The following PRL variants were observed in gnomAD, a reference collection of about 807,000 sequenced individuals.
The protein encoded by PRL is decidual prolactin.
Under a neutral mutation model 21.3 loss-of-function variants are expected in PRL, and 24 were observed. That is an observed-to-expected ratio of 1.13 (90% CI 0.82 to 1.59). The LOEUF (loss-of-function observed/expected upper bound fraction) is 1.59, where lower values mean the gene tolerates loss of function less well. Ranked by LOEUF, PRL falls within the 40% of genes most tolerant of loss-of-function variation. PRL has a pLI of 0.00. For missense variants in PRL, 243 were observed against 286.9 expected (o/e 0.85, Z 1.10); for synonymous variants, 118 against 115.7 (o/e 1.02, Z -0.13).
chr6:22,287,972 C>T (rs1760959107), intron 4 of PRL, among the ~76,000 whole-genome samples: 1 of 152,126 alleles, frequency 6.6e-6, no homozygotes, highest in Non-Finnish European at 1.5e-5. Flanking sequence ...CCTGATGTAT[C>T]CCTTGTGCTT....
chr6:22,296,005 A>G (rs993149133), intron 1 of PRL, among the ~76,000 whole-genome samples: 5 of 152,246 alleles, frequency 3.3e-5, no homozygotes, highest in African/African-American at 1.2e-4. Context: ...CAAAAACATG[A>G]TTCTTCCAAA....
At chr6:22,294,719 G>T in intron 1 of PRL, 135 bp from the exon 2 acceptor site, 1 of 938,640 alleles carries the variant, frequency 1.1e-6, no homozygotes, top group Non-Finnish European at 1.5e-6. Context: ...TGGCTGGGAT[G>T]GGGGAAGAAC....
chr6:22,302,039 G>T (rs931821959), upstream of PRL, among the ~76,000 whole-genome samples: 32 of 151,852 alleles, frequency 2.1e-4, no homozygotes, highest in African/African-American at 6.8e-4. Context: ...TAAAATAAAT[G>T]GAAAATAAGA....
In PRL at chr6:22,288,941, T is replaced by C. The variant is rs778705852; in HGVS notation, c.492+1233A>G. ...GTGCGTGCGCGTGTGTGTGCATGTG[T>C]GTGTGCGTGCGCGTGTGTGTGCGTG... On this transcript the variant is annotated intron_variant, in intron 4 of 4. Coordinates refer to ENST00000306482, the MANE Select transcript of PRL (RefSeq NM_000948.6). This position sits in a 1 kb window ranked among gnomAD's most constrained non-coding sequence, Gnocchi z 4.5. 1.3e-4 allele frequency among the ~76,000 whole-genome samples: 20 copies of C among 152,020 alleles called. No individual in the cohort carries two copies. The highest frequency in any genetic ancestry group is 2.8e-4 in the Non-Finnish European group (19 of 67,980).
At chr6:22,300,869 A>G (rs1761270600), upstream of PRL, among the ~76,000 whole-genome samples, 1 of 152,206 alleles carries the variant, frequency 6.6e-6, no homozygotes, top group Admixed American at 6.5e-5. Flanking sequence ...GTCTAGTTCT[A>G]TGAAGTCTCT....
intron 4 of PRL, 59 bp from the exon 5 acceptor site, chr6:22,287,652 G>A (rs1760951584): frequency 6.6e-6 from 9 of 1,368,390 alleles, no homozygotes; most frequent in Non-Finnish European, 8.8e-6. Context: ...GTATGTCCTT[G>A]TTCTTTCTAA....
At chr6:22,298,376 C>G (rs894133254), upstream of PRL, among the ~76,000 whole-genome samples, 1 of 152,144 alleles carries the variant, frequency 6.6e-6, no homozygotes, top group Non-Finnish European at 1.5e-5. Flanking sequence ...TCTAAAGCAG[C>G]CTGTGACCTT....
chr6:22,296,966 G>C lies in PRL; in HGVS notation c.17C>G (p.Ser6Trp). ...GTTGTCACACATACCTTTCCATGGCGATCCTTTGATGTTCATGTTCGTGAT... is the reference window on the plus strand; with the variant it reads ...GTTGTCACACATACCTTTCCATGGCCATCCTTTGATGTTCATGTTCGTGAT... MNIKG[S>W]PWKGSLLLLL... The change falls in exon 1 of 5, where the codon TCG becomes TGG. Residue 6 changes from serine (S) to tryptophan (W), a missense_variant. Transcript: ENST00000306482. The C allele has an allele frequency of 6.2e-7, 1 of 1,613,956 alleles. No individual in the cohort carries two copies. The highest frequency in any genetic ancestry group is 1.1e-5 in the South Asian group (1 of 91,038).
At chr6:22,297,148 A>G, upstream of PRL, 1 of 651,092 alleles carries the variant, frequency 1.5e-6, no homozygotes, top group Middle Eastern at 2.6e-4. Flanking sequence ...CATTGAGATT[A>G]CCCCCATAAT....
chr6:22,302,594 A>G (rs1006321922), intron 1 of PRL, among the ~76,000 whole-genome samples: 1 of 152,206 alleles, frequency 6.6e-6, no homozygotes, highest in African/African-American at 2.4e-5. Flanking sequence ...TTCAATATAA[A>G]TTTACATGAA....
Position 22,293,621 on chromosome 6 carries a change from AGGAG to A in PRL, c.204+784_204+787del, listed in dbSNP as rs1269921918. Among the ~76,000 whole-genome samples, 50 of 56,672 alleles carry A rather than the reference AGGAG, an allele frequency of 8.8e-4. 1 individual carries two copies. The highest frequency in any genetic ancestry group is 1.6e-3 in the African/African-American group (22 of 13,982). 37.2% of individuals were successfully genotyped at this position (56,672 alleles called of 152,430 possible). A position where few individuals can be genotyped will look rare whatever the true frequency, so the allele number is the denominator to read the frequency against. On this transcript the variant is annotated intron_variant, in intron 2 of 4. Coordinates refer to ENST00000306482, the MANE Select transcript of PRL (RefSeq NM_000948.6). ...AGGGGAGGAAGGAAGGGAGGAGGGA[AGGAG>A]GGAAGGAAGGAAGGAAGGAAGGAAG...
rs752728781 is a variant in PRL at position 22,294,530 on chromosome 6, G to A, written c.83C>T (p.Pro28Leu). The change falls in exon 2 of 5, where the codon CCC (proline) becomes CTC (leucine). Residue 28 changes from proline to leucine, a missense_variant. By Grantham distance (98) the Pro-to-Leu change is moderately conservative. Transcript: ENST00000306482. ...SNLLLCQSVAPLPICPGGAAR... is the reference protein window; with the variant it reads ...SNLLLCQSVALLPICPGGAAR... ...AGCCCCGCCGGGACAGATGGGCAAG[G>A]GGGCCACGCTCTGGCACAGGAGCAG... 4 of 1,613,878 alleles carry A rather than the reference G, an allele frequency of 2.5e-6. No homozygotes were observed. Among genetic ancestry groups the A allele is most frequent in the Non-Finnish European group, 3.4e-6 (4 of 1,179,928 alleles).
chr6:22,295,409 A>C lies in PRL; in HGVS notation c.29-825T>G, dbSNP rs553859626. ...CATCGCGTACACCTGTGGGCTGTCA[A>C]TCTGCATCTGTGTAATGGGGGCCGC... On this transcript the variant is annotated intron_variant, in intron 1 of 4. Coordinates refer to ENST00000306482, the MANE Select transcript of PRL (RefSeq NM_000948.6). Among the ~76,000 whole-genome samples, 133 of 152,262 alleles carry C rather than the reference A, an allele frequency of 8.7e-4. 1 individual carries two copies. The highest frequency in any genetic ancestry group is 3.0e-3 in the African/African-American group (124 of 41,552).
Position 22,294,550 on chromosome 6 carries a change from G to A in PRL, c.63C>T (p.Leu21=), listed in dbSNP as rs2113511829. 2 of 1,611,928 alleles carry A rather than the reference G, an allele frequency of 1.2e-6. No individual in the cohort carries two copies. The highest frequency in any genetic ancestry group is 1.7e-6 in the Non-Finnish European group (2 of 1,179,044). Residue 21 remains leucine, a synonymous_variant, in exon 2 of 5, where the codon CTC becomes CTT. Transcript: ENST00000306482. ...SLLLLLVSNL[L]LCQSVAPLPI... is the part of the protein sequence containing the mutation. Reference sequence around the variant, plus strand: ...GCAAGGGGGCCACGCTCTGGCACAGGAGCAGGTTTGACACCAGCAGCAGCA... The same window carrying A: ...GCAAGGGGGCCACGCTCTGGCACAGAAGCAGGTTTGACACCAGCAGCAGCA...
intron 1 of PRL, among the ~76,000 whole-genome samples, chr6:22,296,074 A>G (rs1761166394): frequency 6.6e-6 from 1 of 152,346 alleles, no homozygotes; most frequent in African/African-American, 2.4e-5. Flanking sequence ...TTTTATCTGT[A>G]TGTGTAAATA....
At chr6:22,292,776 C>T (rs1761078844) in intron 2 of PRL, 131 bp from the exon 3 acceptor site, 5 of 704,372 alleles carry the variant, frequency 7.1e-6, no homozygotes, top group Non-Finnish European at 6.9e-6. Context: ...AAAATGAAAA[C>T]TAAAGAATTA....
intron 3 of PRL, among the ~76,000 whole-genome samples, chr6:22,291,433 T>C (rs370686716): frequency 2.6e-5 from 4 of 152,178 alleles, no homozygotes; most frequent in Non-Finnish European, 4.4e-5. Context: ...CCTTGTGTTA[T>C]AGGATTTTTA....
At chr6:22,299,871 T>G (rs1761251596), upstream of PRL, among the ~76,000 whole-genome samples, 5 of 151,874 alleles carry the variant, frequency 3.3e-5, no homozygotes, top group Admixed American at 3.3e-4. Flanking sequence ...TCACATAACC[T>G]AGGAGGTGTC....
upstream of PRL, among the ~76,000 whole-genome samples, chr6:22,302,334 A>C (rs979260803): frequency 1.3e-5 from 2 of 152,068 alleles, no homozygotes; most frequent in African/African-American, 2.4e-5. Context: ...TAGAAAAAAA[A>C]AAAGGATATG....
Sources: allele counts gnomAD v4.1 joint callset (sites outside exome capture counted in the v4.1 genomes callset), GRCh38; gene constraint gnomAD v4.1.1; non-coding constraint Gnocchi (gnomAD v3.1); transcripts MANE v1.5; gene names NCBI Gene and HGNC (gene_info 2026-07-23, HGNC 2026-07-21).